The following SEMA3E variants were observed in gnomAD, a reference collection of about 807,000 sequenced individuals.
SEMA3E encodes the protein semaphorin 3E.
SEMA3E carries 49 observed loss-of-function variants against 93.6 expected under a neutral mutation model. The observed-to-expected ratio is 0.52, with a 90% CI of 0.42 to 0.66. The LOEUF (loss-of-function observed/expected upper bound fraction) is 0.66. SEMA3E is among the 30% of genes least tolerant of loss of function. SEMA3E has a pLI of 0.00. For missense variants in SEMA3E, 906 were observed against 964.8 expected (o/e 0.94, Z 0.81); for synonymous variants, 363 against 330.7 (o/e 1.10, Z -1.06).
chr7:83,514,318 C>G (rs182274336), intron 1 of SEMA3E, among the ~76,000 whole-genome samples: 4 of 152,168 alleles, frequency 2.6e-5, no homozygotes, highest in East Asian at 1.9e-4. Context: ...AATAAACTTG[C>G]CTTCACTTTG....
chr7:83,459,895 A>AC (rs1789573983), intron 4 of SEMA3E, among the ~76,000 whole-genome samples: 1 of 151,986 alleles, frequency 6.6e-6, no homozygotes, highest in Non-Finnish European at 1.5e-5. Flanking sequence ...CTCAAAAAGC[A>AC]CCCCTACTGA....
At chr7:83,480,566 T>G (rs954440703) in intron 2 of SEMA3E, among the ~76,000 whole-genome samples, 1 of 152,206 alleles carries the variant, frequency 6.6e-6, no homozygotes, top group African/African-American at 2.4e-5. Context: ...GTGGGTTGGC[T>G]GTAACAAAAT....
intron 1 of SEMA3E, among the ~76,000 whole-genome samples, chr7:83,624,330 C>T (rs1793626124): frequency 6.6e-6 from 1 of 152,212 alleles, no homozygotes. Context: ...AAGTAATTTA[C>T]ACTCCAACCA....
intron 1 of SEMA3E, among the ~76,000 whole-genome samples, chr7:83,517,378 A>T (rs1385664049): frequency 1.3e-5 from 2 of 152,198 alleles, no homozygotes; most frequent in African/African-American, 4.8e-5. Context: ...TGAAAGCTTT[A>T]CCCAAACACT....
In SEMA3E at chr7:83,560,321, G is replaced by A. The variant is rs78798161; in HGVS notation, c.116-70047C>T. On this transcript the variant is annotated intron_variant, in intron 1 of 16. Transcript: ENST00000643230. ...CGGGAGGCTACGCATGTGTAGGGGC[G>A]GGGAGTATATGAGAAATCTCCATAT... Among the ~76,000 whole-genome samples, 1,145 of 152,064 alleles carry A rather than the reference G, an allele frequency of 7.5e-3. 10 individuals carry two copies. The highest frequency in any genetic ancestry group is 0.026 in the African/African-American group (1,098 of 41,496).
chr7:83,647,924 C>A (rs1025922038), intron 1 of SEMA3E, among the ~76,000 whole-genome samples: 2 of 152,122 alleles, frequency 1.3e-5, no homozygotes, highest in Non-Finnish European at 2.9e-5. Flanking sequence ...GGTAGGGCAT[C>A]ATTTTTCTCC....
intron 2 of SEMA3E, among the ~76,000 whole-genome samples, chr7:83,479,134 CAT>C (rs1790087280): frequency 1.3e-5 from 2 of 152,196 alleles, no homozygotes; most frequent in African/African-American, 2.4e-5. Context: ...TTCCCACCCA[CAT>C]GTCGCCAACC....
At chr7:83,456,980 C>A (rs1789496434) in intron 4 of SEMA3E, among the ~76,000 whole-genome samples, 1 of 151,742 alleles carries the variant, frequency 6.6e-6, no homozygotes. Flanking sequence ...CAGTAATCTC[C>A]TTTCTAATTA....
At chr7:83,522,951 T>G (rs945081634) in intron 1 of SEMA3E, among the ~76,000 whole-genome samples, 1 of 152,050 alleles carries the variant, frequency 6.6e-6, no homozygotes, top group African/African-American at 2.4e-5. Context: ...TCAGGATTGG[T>G]GAGAATACGT....
At chr7:83,606,836 G>A (rs1245650998) in intron 1 of SEMA3E, among the ~76,000 whole-genome samples, 2 of 151,152 alleles carry the variant, frequency 1.3e-5, no homozygotes, top group Non-Finnish European at 2.9e-5. Flanking sequence ...TTTTCTACTT[G>A]CATATTATAT....
At position 83,438,111 on chromosome 7, in the gene SEMA3E, G is replaced by T. The variant is rs371190530; in HGVS notation, c.457-19628C>A. ...TTAATTCTTTGAAAAAATAGCACAG[G>T]CAGTCTTCGTATGAATGTAATAATA... On this transcript the variant is annotated intron_variant, in intron 4 of 16. Transcript: ENST00000643230. 2.0e-5 allele frequency among the ~76,000 whole-genome samples: 3 copies of T among 152,066 alleles called. No homozygotes were observed. In the East Asian group the frequency reaches 5.8e-4, roughly 29 times the overall value.
chr7:83,401,328 A>G (rs910525828), intron 10 of SEMA3E, among the ~76,000 whole-genome samples: 6 of 152,116 alleles, frequency 3.9e-5, no homozygotes, highest in Non-Finnish European at 7.4e-5. Context: ...GTATAAATAC[A>G]GTAGTTTAGT....
At position 83,456,762 on chromosome 7, in the gene SEMA3E, G is replaced by A. The variant is rs780550345; in HGVS notation, c.456+9720C>T. On this transcript the variant is annotated intron_variant, in intron 4 of 16. Transcript: ENST00000643230. The stretch of plus-strand genomic sequence containing the variant: ...CTGAGTAGTCAGGATTACAGATGCC[G>A]GCCACCATGCCTGGCTAATTTTTAT... Among the ~76,000 whole-genome samples, 12 of 151,834 alleles carry A rather than the reference G, an allele frequency of 7.9e-5. 2 individuals carry two copies. Among genetic ancestry groups the A allele is most frequent in the South Asian group, 2.1e-4 (1 of 4,812 alleles).
intron 1 of SEMA3E, among the ~76,000 whole-genome samples, chr7:83,544,137 G>T (rs1791595181): frequency 6.6e-6 from 1 of 151,970 alleles, no homozygotes; most frequent in Non-Finnish European, 1.5e-5. Context: ...CTGTATCATT[G>T]CCCAGTAGAA....
chr7:83,540,103 G>T, intron 1 of SEMA3E, among the ~76,000 whole-genome samples: 1 of 152,094 alleles, frequency 6.6e-6, no homozygotes, highest in East Asian at 1.9e-4. Flanking sequence ...GGCTGGTCCC[G>T]AACTCCTGAC....
At chr7:83,423,516 T>G (rs1788709653) in intron 4 of SEMA3E, among the ~76,000 whole-genome samples, 2 of 151,504 alleles carry the variant, frequency 1.3e-5, no homozygotes, top group African/African-American at 4.8e-5. Context: ...TTTTTTTTTT[T>G]TTTTTGAGAC....
At chr7:83,437,922 A>C (rs1051087594) in intron 4 of SEMA3E, among the ~76,000 whole-genome samples, 7 of 152,200 alleles carry the variant, frequency 4.6e-5, no homozygotes, top group African/African-American at 1.7e-4. Context: ...GTTCATAATA[A>C]GGATAATAAC....
chr7:83,523,028 G>A (rs1023740061), intron 1 of SEMA3E, among the ~76,000 whole-genome samples: 1 of 152,064 alleles, frequency 6.6e-6, no homozygotes, highest in African/African-American at 2.4e-5. Context: ...GAACAGCACA[G>A]GCTAATGGCA....
chr7:83,522,964 G>A (rs565173245), intron 1 of SEMA3E, among the ~76,000 whole-genome samples: 2 of 152,176 alleles, frequency 1.3e-5, no homozygotes, highest in South Asian at 4.1e-4. Flanking sequence ...GAATACGTTA[G>A]GAAGGTGAGG....
Sources: allele counts gnomAD v4.1 joint callset (sites outside exome capture counted in the v4.1 genomes callset), GRCh38; gene constraint gnomAD v4.1.1; transcripts MANE v1.5; gene names NCBI Gene and HGNC (gene_info 2026-07-23, HGNC 2026-07-21).